OR51B5: variants seen among roughly 807,000 people sequenced by gnomAD.
The protein encoded by OR51B5 is olfactory receptor family 51 subfamily B member 5, also known as olfactory receptor 51B5.
For missense variants in OR51B5, 456 were observed against 374.6 expected, an observed-to-expected ratio of 1.22 and a Z score of -1.79; for synonymous variants, 186 against 144.8, an observed-to-expected ratio of 1.28 and a Z score of -2.04.
intron 1 of OR51B5, among the ~76,000 whole-genome samples, chr11:5,360,945 A>T (rs1849274450): frequency 1.3e-5 from 2 of 151,084 alleles, no homozygotes; most frequent in African/African-American, 2.4e-5. Flanking sequence ...AACAATGAGA[A>T]CACATGGACA....
At chr11:5,497,946 T>A (rs1327572371) in intron 1 of OR51B5, among the ~76,000 whole-genome samples, 1 of 152,182 alleles carries the variant, frequency 6.6e-6, no homozygotes, top group African/African-American at 2.4e-5. Context: ...ATTAATGGCA[T>A]GAAACAACTA....
intron 1 of OR51B5, among the ~76,000 whole-genome samples, chr11:5,486,831 G>A (rs940122166): frequency 6.6e-6 from 1 of 151,974 alleles, no homozygotes; most frequent in Admixed American, 6.6e-5. Context: ...CTTTACTGCA[G>A]TAAAATCGTG....
chr11:5,487,166 T>C (rs1851510039), intron 1 of OR51B5, among the ~76,000 whole-genome samples: 1 of 152,210 alleles, frequency 6.6e-6, no homozygotes, highest in South Asian at 2.1e-4. Flanking sequence ...ATCTAAATTA[T>C]ATCAGTTCAC....
intron 1 of OR51B5, among the ~76,000 whole-genome samples, chr11:5,409,599 T>C (rs539147944): frequency 7.2e-4 from 110 of 151,748 alleles, no homozygotes; most frequent in African/African-American, 2.4e-3. Flanking sequence ...TCAATAGAAA[T>C]AGCCAAATGA....
At chr11:5,489,509 G>T (rs747357254) in intron 1 of OR51B5, 15 of 1,613,912 alleles carry the variant, frequency 9.3e-6, no homozygotes, top group Middle Eastern at 1.7e-4. Flanking sequence ...CACCGCTTTG[G>T]TCACCACGAA....
At chr11:5,418,412 AAAAACAAAAC>A (rs139391446) in intron 1 of OR51B5, among the ~76,000 whole-genome samples, 32 of 150,392 alleles carry the variant, frequency 2.1e-4, no homozygotes, top group Admixed American at 6.6e-4. Context: ...TAATAATAAT[AAAAACAAAAC>A]AAAACAAAAC....
At chr11:5,477,966 G>C (rs1412668467) in intron 1 of OR51B5, among the ~76,000 whole-genome samples, 2 of 151,872 alleles carry the variant, frequency 1.3e-5, no homozygotes, top group Admixed American at 6.6e-5. Context: ...GCTTGCTTAG[G>C]TAAACAAAGC....
chr11:5,455,717 G>GT (rs1370134905), intron 1 of OR51B5: 1 of 152,134 alleles, frequency 6.6e-6, no homozygotes, highest in African/African-American at 2.4e-5. Flanking sequence ...TTATCTAGAG[G>GT]TTTTTTCTCT....
intron 1 of OR51B5, among the ~76,000 whole-genome samples, chr11:5,417,749 G>A (rs1589985217): frequency 6.7e-6 from 1 of 150,108 alleles, no homozygotes; most frequent in East Asian, 2.0e-4. Flanking sequence ...AGTTAGAATG[G>A]CAATCATTAA....
chr11:5,461,326 CAA>C (rs1204208491), intron 1 of OR51B5, among the ~76,000 whole-genome samples: 1 of 152,128 alleles, frequency 6.6e-6, no homozygotes, highest in Non-Finnish European at 1.5e-5. Context: ...GATCTATCTG[CAA>C]AAGTGTTCCG....
At position 5,385,140 on chromosome 11, in the gene OR51B5, T is replaced by A. The variant is rs1289198100; in HGVS notation, n.85-38230A>T. Among the ~76,000 whole-genome samples, 3 of 152,218 alleles carry A rather than the reference T, an allele frequency of 2.0e-5. 1 individual carries two copies. The highest frequency in any genetic ancestry group is 4.4e-5 in the Non-Finnish European group (3 of 68,032). ...CCTGTGATCTAAGATGAATCTACTC[T>A]GCCTTGAATATTTTAATTATGTTGT... On this transcript the variant is annotated intron_variant and non_coding_transcript_variant, in intron 1 of 4. Coordinates refer to the OR51B5 transcript ENST00000415970.
downstream of OR51B5, chr11:5,340,822 C>G (rs933101807): frequency 1.9e-4 from 29 of 152,206 alleles, no homozygotes; most frequent in Non-Finnish European, 3.2e-4. Flanking sequence ...ATCAAGAAAA[C>G]AGTGATAATA....
At chr11:5,357,611 G>A (rs888239254) in intron 1 of OR51B5, among the ~76,000 whole-genome samples, 3 of 151,912 alleles carry the variant, frequency 2.0e-5, no homozygotes, top group South Asian at 2.1e-4. Context: ...GGATATCCAG[G>A]AATTGAACTC....
chr11:5,497,144 A>G (rs1040651223), intron 1 of OR51B5, among the ~76,000 whole-genome samples: 1 of 152,230 alleles, frequency 6.6e-6, no homozygotes, highest in Non-Finnish European at 1.5e-5. Context: ...TTCTCAGCTC[A>G]TTGTAAATTA....
chr11:5,426,162 G>C (rs906486530), intron 1 of OR51B5, among the ~76,000 whole-genome samples: 24 of 152,134 alleles, frequency 1.6e-4, no homozygotes, highest in African/African-American at 5.3e-4. Context: ...CCTGGAAAAG[G>C]CAAAACTATA....
Position 5,502,336 on chromosome 11 carries a change from C to T in OR51B5, n.84+3233G>A, listed in dbSNP as rs118132120. On this transcript the variant is annotated intron_variant and non_coding_transcript_variant, in intron 1 of 4. Coordinates refer to the OR51B5 transcript ENST00000415970. Reference sequence around the variant, plus strand: ...ATTCTCTGTACTCCAGACCCACTGGCCTTGTTTAAATTTTTCCATGAATGT... The same window carrying T: ...ATTCTCTGTACTCCAGACCCACTGGTCTTGTTTAAATTTTTCCATGAATGT... 1.1e-3 allele frequency among the ~76,000 whole-genome samples: 160 copies of T among 152,262 alleles called. 1 individual carries two copies. The East Asian group carries it at 0.013, about 12-fold the overall frequency.
At chr11:5,413,138 T>C (rs182611000) in intron 1 of OR51B5, among the ~76,000 whole-genome samples, 1 of 152,296 alleles carries the variant, frequency 6.6e-6, no homozygotes, top group East Asian at 1.9e-4. Flanking sequence ...GAAAAACCAC[T>C]GTTCTGCAGA....
In OR51B5 at chr11:5,373,661, C is replaced by T. The variant is rs796097189; in HGVS notation, n.85-26751G>A. Among the ~76,000 whole-genome samples, 6 of 152,280 alleles carry T rather than the reference C, an allele frequency of 3.9e-5. No individual in the cohort carries two copies. The East Asian group carries it at 5.8e-4, about 15-fold the overall frequency. On this transcript the variant is annotated intron_variant and non_coding_transcript_variant, in intron 1 of 4. Coordinates refer to the OR51B5 transcript ENST00000415970. ...CTTTTCTGACAGGCTTAGGAAATGG[C>T]GCACCAGGAGATTATATCCTGCACA...
chr11:5,503,479 C>T (rs1012881805), intron 1 of OR51B5, among the ~76,000 whole-genome samples: 2 of 152,170 alleles, frequency 1.3e-5, no homozygotes, highest in African/African-American at 4.8e-5. Flanking sequence ...GAAAGACTGC[C>T]TATTGCAAAT....
Sources: gnomAD v4.1 joint callset for allele counts (sites outside exome capture counted in the v4.1 genomes callset) on GRCh38, gnomAD v4.1.1 for gene constraint, MANE v1.5 for transcripts, NCBI Gene and HGNC (gene_info 2026-07-23, HGNC 2026-07-21) for gene names.